Variants in FBXO15 observed in about 807,000 individuals in gnomAD.
FBXO15 encodes the protein F-box protein 15, also known as F-box only protein 15.
A neutral mutation model predicts 49.5 loss-of-function variants in FBXO15; 30 were observed. That is an observed-to-expected ratio of 0.61 (90% CI 0.45 to 0.82). The LOEUF (loss-of-function observed/expected upper bound fraction) is 0.82, where lower values mean the gene tolerates loss of function less well. Ranked by LOEUF, FBXO15 falls within the 40% of genes least tolerant of loss-of-function variation. The probability of loss-of-function intolerance (pLI) is 0.00; values close to 1 mark genes in which losing one functional copy is unlikely to be tolerated. For missense variants in FBXO15, 591 were observed against 631.5 expected (o/e 0.94, Z 0.69); for synonymous variants, 250 against 232.7 (o/e 1.07, Z -0.68).
chr18:74,093,267 G>GGA (rs879423271), intron 8 of FBXO15, among the ~76,000 whole-genome samples: 1 of 149,952 alleles, frequency 6.7e-6, no homozygotes, highest in Non-Finnish European at 1.5e-5. Context: ...AAACAATGGG[G>GGA]GGGGGGTGGC....
At chr18:74,110,220 TATAA>T in intron 8 of FBXO15, among the ~76,000 whole-genome samples, 1 of 148,824 alleles carries the variant, frequency 6.7e-6, no homozygotes, top group Non-Finnish European at 1.5e-5. Flanking sequence ...TATGTTTATG[TATAA>T]GTGAAATGAG....
chr18:74,134,164 T>C lies in FBXO15; in HGVS notation c.332+1598A>G, dbSNP rs111366000. Among the ~76,000 whole-genome samples the C allele has an allele frequency of 3.5e-3, 540 of 152,248 alleles. 3 individuals are homozygous for C. The highest frequency in any genetic ancestry group is 0.012 in the African/African-American group (515 of 41,538). ...TATATTCTTCCATATAGGAAACATC[T>C]CTTTAAATTAAAAGAAAAATCACCC... On this transcript the variant is annotated intron_variant, in intron 3 of 9. Coordinates refer to ENST00000419743, the MANE Select transcript of FBXO15 (RefSeq NM_001142958.2).
chr18:74,076,737 G>T (rs1053449748), intron 9 of FBXO15, among the ~76,000 whole-genome samples: 5 of 152,064 alleles, frequency 3.3e-5, no homozygotes, highest in African/African-American at 7.2e-5. Flanking sequence ...AACTTTCCAC[G>T]GCTCTCAAGA....
At chr18:74,140,455 G>A in intron 1 of FBXO15, 143 bp from the exon 2 acceptor site, 5 of 716,910 alleles carry the variant, frequency 7.0e-6, no homozygotes, top group Non-Finnish European at 1.1e-5. Context: ...AAAAAAGGAA[G>A]GGAAGAAGAA....
At chr18:74,144,009 C>G (rs907329124) in intron 1 of FBXO15, among the ~76,000 whole-genome samples, 1 of 152,186 alleles carries the variant, frequency 6.6e-6, no homozygotes, top group Non-Finnish European at 1.5e-5. Context: ...CGTTCAGCAC[C>G]CACAATATGC....
At chr18:74,110,412 G>A (rs1038746330) in intron 8 of FBXO15, among the ~76,000 whole-genome samples, 4 of 151,730 alleles carry the variant, frequency 2.6e-5, no homozygotes, top group Non-Finnish European at 4.4e-5. Context: ...TAAGTGATAT[G>A]CTAAGAAAGA....
rs908325724 is a variant in FBXO15 at position 74,122,992 on chromosome 18, T to G, written c.1138+376A>C. ...GTAGAGGAGAAAGGCTGGTTTCTCTTTACTCTCATCCTGGAGCGGCACGGG... is the reference window on the plus strand; with the variant it reads ...GTAGAGGAGAAAGGCTGGTTTCTCTGTACTCTCATCCTGGAGCGGCACGGG... On this transcript the variant is annotated intron_variant, in intron 8 of 9. Transcript: ENST00000419743. The G allele has an allele frequency of 1.8e-4, 30 of 169,546 alleles. No homozygotes were observed. The East Asian group carries it at 2.5e-3, about 14-fold the overall frequency. 10.5% of individuals were successfully genotyped at this position (169,546 alleles called of 1,614,324 possible). A position where few individuals can be genotyped will look rare whatever the true frequency, so the allele number is the denominator to read the frequency against.
intron 9 of FBXO15, among the ~76,000 whole-genome samples, chr18:74,080,251 A>G (rs1912433713): frequency 1.3e-5 from 2 of 152,242 alleles, no homozygotes; most frequent in Admixed American, 6.5e-5. Context: ...AAGACATATG[A>G]CATCACTGAT....
intron 8 of FBXO15, among the ~76,000 whole-genome samples, chr18:74,090,351 AC>A (rs1201774030): frequency 4.5e-4 from 69 of 152,142 alleles, no homozygotes; most frequent in African/African-American, 1.7e-3. Context: ...TTTCAAAAAA[AC>A]AACTCCTGAA....
intron 8 of FBXO15, among the ~76,000 whole-genome samples, chr18:74,085,913 G>A (rs886353946): frequency 1.3e-5 from 2 of 152,042 alleles, no homozygotes; most frequent in Admixed American, 6.5e-5. Flanking sequence ...AAACAACCAG[G>A]AAATTTAAAA....
At chr18:74,111,437 G>C (rs118126149) in intron 8 of FBXO15, among the ~76,000 whole-genome samples, 156 of 151,888 alleles carry the variant, frequency 1.0e-3, no homozygotes, top group Non-Finnish European at 2.0e-3. Flanking sequence ...AATAACCCAG[G>C]GGTCAAAAAA....
intron 1 of FBXO15, among the ~76,000 whole-genome samples, chr18:74,141,762 A>G (rs994731169): frequency 2.0e-5 from 3 of 152,238 alleles, no homozygotes; most frequent in Non-Finnish European, 4.4e-5. Context: ...CCTAGGCATC[A>G]GCTGGCCAGG....
At chr18:74,105,611 T>G (rs200419853) in intron 8 of FBXO15, among the ~76,000 whole-genome samples, 13,259 of 126,668 alleles carry the variant, frequency 0.1, 803 homozygotes, top group Admixed American at 0.22. Context: ...AGCTTATGGT[T>G]TTTTTTTTGT....
Position 74,129,631 on chromosome 18 carries a change from A to G in FBXO15, c.576-17T>C. 1 of 1,592,552 alleles carries G rather than the reference A, an allele frequency of 6.3e-7. No individual in the cohort carries two copies. ...CCAAATATTCTGGAGAAAGAAAAAA[A>G]AACTAACAATGTTTGCCTCATTGAA... On this transcript the variant is annotated splice_polypyrimidine_tract_variant and intron_variant, in intron 4 of 9. Coordinates refer to ENST00000419743, the MANE Select transcript of FBXO15 (RefSeq NM_001142958.2).
intron 5 of FBXO15, 23 bp downstream of exon 5, chr18:74,129,382 C>T (rs755371903): frequency 3.1e-6 from 5 of 1,598,552 alleles, no homozygotes; most frequent in Non-Finnish European, 8.6e-7. Context: ...TCTCACTCAA[C>T]AGTTCTGCTG....
Position 74,073,449 on chromosome 18 carries a change from T to C in FBXO15, c.*12A>G, listed in dbSNP as rs568280384. 32 of 1,601,738 alleles carry C rather than the reference T, an allele frequency of 2.0e-5. No homozygotes were observed. The South Asian group carries it at 3.3e-4, about 16-fold the overall frequency. Reference sequence around the variant, plus strand: ...AAACAACTAAATAACAACAATAATTTGCCACCTACTGCTAATATTCAGTCC... The same window carrying C: ...AAACAACTAAATAACAACAATAATTCGCCACCTACTGCTAATATTCAGTCC... On this transcript the variant is annotated 3_prime_UTR_variant, in exon 10 of 10. Transcript: ENST00000419743.
At chr18:74,087,488 G>GTA (rs1472430401) in intron 8 of FBXO15, among the ~76,000 whole-genome samples, 1 of 152,126 alleles carries the variant, frequency 6.6e-6, no homozygotes, top group East Asian at 1.9e-4. Flanking sequence ...AGAACATACG[G>GTA]TATTTTGTTT....
chr18:74,100,481 C>T (rs1230933831), intron 8 of FBXO15, among the ~76,000 whole-genome samples: 1 of 151,898 alleles, frequency 6.6e-6, no homozygotes, highest in African/African-American at 2.4e-5. Context: ...CACAAATAGA[C>T]AATCTAAGGT....
intron 8 of FBXO15, among the ~76,000 whole-genome samples, chr18:74,122,150 G>T (rs112010420): frequency 6.6e-6 from 1 of 151,938 alleles, no homozygotes; most frequent in East Asian, 1.9e-4. Flanking sequence ...TCCTTCCACC[G>T]ATCACCTACT....
Sources: allele counts gnomAD v4.1 joint callset (sites outside exome capture counted in the v4.1 genomes callset), GRCh38; gene constraint gnomAD v4.1.1; transcripts MANE v1.5; gene names NCBI Gene and HGNC (gene_info 2026-07-23, HGNC 2026-07-21).